The following KIRREL3 variants were observed in gnomAD, a reference collection of about 807,000 sequenced individuals.
KIRREL3 encodes the protein kirre like nephrin family adhesion molecule 3, also known as kin of IRRE-like protein 3.
KIRREL3 carries 36 observed loss-of-function variants against 89.7 expected under a neutral mutation model. That is an observed-to-expected ratio of 0.40 (90% confidence interval 0.31 to 0.53). KIRREL3 has a LOEUF of 0.53. Ranked by LOEUF, KIRREL3 falls within the 20% of genes least tolerant of loss-of-function variation. The probability of loss-of-function intolerance (pLI) is 0.49; values close to 1 mark genes in which losing one functional copy is unlikely to be tolerated. For synonymous variants in KIRREL3, 445 were observed against 441.4 expected (o/e 1.01, Z -0.10); for missense variants, 864 against 1,056.6 (o/e 0.82, Z 2.53).
At chr11:126,972,205 G>GAGAGAGAGAGAGAGAGAGA (rs1949445226) in intron 1 of KIRREL3, among the ~76,000 whole-genome samples, 4 of 40,988 alleles carry the variant, frequency 9.8e-5, no homozygotes, top group South Asian at 9.0e-4. Context: ...AGAGAGAGAG[G>GAGAGAGAGAGAGAGAGAGA]ACTGTGCATA....
intron 4 of KIRREL3, among the ~76,000 whole-genome samples, chr11:126,488,920 G>A (rs1393679507): frequency 1.3e-5 from 2 of 152,206 alleles, no homozygotes; most frequent in South Asian, 2.1e-4. Context: ...GATCCTTGCC[G>A]CAGGCCACAG....
chr11:126,450,088 T>G (rs1464889075), intron 7 of KIRREL3, among the ~76,000 whole-genome samples: 2 of 152,090 alleles, frequency 1.3e-5, no homozygotes, highest in Non-Finnish European at 2.9e-5. Flanking sequence ...GTTGGACCAG[T>G]GACCCAGCAG....
chr11:126,742,371 T>A lies in KIRREL3; in HGVS notation c.56-179459A>T, dbSNP rs1036151440. On this transcript the variant is annotated intron_variant, in intron 1 of 16. Transcript: ENST00000525144. The surrounding 1 kb of genome is among the most constrained non-coding windows in gnomAD (Gnocchi z 5.3). ...CTTAGGATAGTGTATCCTAACCTGC[T>A]TGTGGTTCTAATTTATTTTCATGCC... is the stretch of plus-strand genomic sequence containing the variant. 6.6e-6 allele frequency among the ~76,000 whole-genome samples: 1 copy of A among 152,176 alleles called. No individual in the cohort carries two copies. The highest frequency in any genetic ancestry group is 1.9e-4 in the East Asian group (1 of 5,192).
chr11:126,923,336 C>A (rs1947543062), intron 1 of KIRREL3, among the ~76,000 whole-genome samples: 1 of 140,894 alleles, frequency 7.1e-6, no homozygotes, highest in Non-Finnish European at 1.5e-5. Context: ...CTTCTTCCTT[C>A]TCCTTCTCCT....
At chr11:126,937,407 A>G (rs575440236) in intron 1 of KIRREL3, among the ~76,000 whole-genome samples, 1 of 152,352 alleles carries the variant, frequency 6.6e-6, no homozygotes, top group African/African-American at 2.4e-5. Flanking sequence ...CTATTCCCAT[A>G]GCAGCTCTAT....
At chr11:126,444,470 C>A (rs1955710106) in intron 10 of KIRREL3, among the ~76,000 whole-genome samples, 1 of 152,198 alleles carries the variant, frequency 6.6e-6, no homozygotes, top group South Asian at 2.1e-4. Flanking sequence ...ACTAAAAATA[C>A]AAAAATTAGC....
At chr11:126,727,240 C>T (rs369902293) in intron 1 of KIRREL3, among the ~76,000 whole-genome samples, 25 of 152,324 alleles carry the variant, frequency 1.6e-4, no homozygotes, top group East Asian at 3.9e-4. Context: ...CCTTGGAGGC[C>T]GGCTGGCCAC....
intron 2 of KIRREL3, among the ~76,000 whole-genome samples, chr11:126,532,864 T>C (rs1224921019): frequency 6.6e-6 from 1 of 151,930 alleles, no homozygotes; most frequent in Non-Finnish European, 1.5e-5. Flanking sequence ...CCATTACTTA[T>C]AATTATTACT....
In KIRREL3 at chr11:126,876,538, CT is replaced by C. The variant is rs34978323; in HGVS notation, c.55+123916del. Among the ~76,000 whole-genome samples the C allele has an allele frequency of 0.74, 85,332 of 115,220 alleles. 30,642 individuals are homozygous for C. Among genetic ancestry groups the C allele is most frequent in the East Asian group, 0.95 (3,540 of 3,718 alleles). The allele number at this position is 115,220 out of a possible 152,430, so 75.6% of individuals were successfully genotyped here. A position where few individuals can be genotyped will look rare whatever the true frequency, so the allele number is the denominator to read the frequency against. Reference sequence around the variant, plus strand: ...CTTACAGTACATACTCATAAATATGCTTTTTTTTTTTTTTTTTGAGATGGAG... The same window carrying C: ...CTTACAGTACATACTCATAAATATGCTTTTTTTTTTTTTTTTGAGATGGAG... On this transcript the variant is annotated intron_variant, in intron 1 of 16. Coordinates refer to ENST00000525144, the MANE Select transcript of KIRREL3 (RefSeq NM_032531.4). This position sits in a 1 kb window ranked among gnomAD's most constrained non-coding sequence, Gnocchi z 4.1.
intron 1 of KIRREL3, among the ~76,000 whole-genome samples, chr11:126,968,253 T>C (rs1208534843): frequency 6.6e-6 from 1 of 152,088 alleles, no homozygotes; most frequent in Non-Finnish European, 1.5e-5. Flanking sequence ...GTATTCAAGT[T>C]CTCCAAATTA....
At chr11:126,767,988 A>G (rs985851917) in intron 1 of KIRREL3, among the ~76,000 whole-genome samples, 2 of 152,236 alleles carry the variant, frequency 1.3e-5, no homozygotes, top group African/African-American at 2.4e-5. Context: ...GTGAAGTCCA[A>G]ATAATCTTCA....
intron 2 of KIRREL3, among the ~76,000 whole-genome samples, chr11:126,529,991 C>A (rs912117294): frequency 8.6e-5 from 13 of 150,588 alleles, no homozygotes; most frequent in Middle Eastern, 3.4e-3. Context: ...ATCTGACAGA[C>A]CTTAGGGCCT....
At chr11:126,826,641 T>C (rs1202529938) in intron 1 of KIRREL3, among the ~76,000 whole-genome samples, 1 of 152,204 alleles carries the variant, frequency 6.6e-6, no homozygotes, top group Non-Finnish European at 1.5e-5. Flanking sequence ...TTGGAGGTGT[T>C]GGGAGGTATG....
At position 126,719,207 on chromosome 11, in the gene KIRREL3, G is replaced by A. The variant is rs1015864663; in HGVS notation, c.56-156295C>T. ...GGTTTTGTCTCAAATCTAAAAATAC[G>A]CCACTGAAACGGCTTCTTCCTAAAT... On this transcript the variant is annotated intron_variant, in intron 1 of 16. Transcript: ENST00000525144. The surrounding 1 kb of genome is among the most constrained non-coding windows in gnomAD (Gnocchi z 4.7). Among the ~76,000 whole-genome samples the A allele has an allele frequency of 6.6e-6, 1 of 152,018 alleles. No homozygotes were observed. The highest frequency in any genetic ancestry group is 1.9e-4 in the East Asian group (1 of 5,172).
At chr11:126,534,430 G>T (rs1351363913) in intron 2 of KIRREL3, among the ~76,000 whole-genome samples, 1 of 152,296 alleles carries the variant, frequency 6.6e-6, no homozygotes, top group Non-Finnish European at 1.5e-5. Flanking sequence ...TCCCACATTC[G>T]CTTGGTTAGG....
intron 1 of KIRREL3, among the ~76,000 whole-genome samples, chr11:126,765,396 A>G (rs561346028): frequency 8.5e-5 from 13 of 152,276 alleles, no homozygotes; most frequent in Admixed American, 7.8e-4. Context: ...AGAAATCTAA[A>G]ACGAAACCAG....
intron 1 of KIRREL3, among the ~76,000 whole-genome samples, chr11:126,732,174 C>A (rs1431202826): frequency 6.6e-6 from 1 of 152,066 alleles, no homozygotes; most frequent in Non-Finnish European, 1.5e-5. Flanking sequence ...GCAATCTGAG[C>A]CAGAGATTTA....
At chr11:126,923,582 T>C (rs927785895) in intron 1 of KIRREL3, among the ~76,000 whole-genome samples, 3 of 151,786 alleles carry the variant, frequency 2.0e-5, no homozygotes, top group Admixed American at 1.3e-4. Flanking sequence ...CAGCTGGGAT[T>C]ACAGGCACCT....
intron 1 of KIRREL3, among the ~76,000 whole-genome samples, chr11:126,661,127 A>T (rs1275681463): frequency 1.3e-5 from 2 of 152,258 alleles, no homozygotes; most frequent in Non-Finnish European, 2.9e-5. Context: ...AATAGAAAGC[A>T]CAATGTTGTA....
Sources: gnomAD v4.1 joint callset for allele counts (sites outside exome capture counted in the v4.1 genomes callset) on GRCh38, gnomAD v4.1.1 for gene constraint, Gnocchi (gnomAD v3.1) non-coding constraint, MANE v1.5 for transcripts, NCBI Gene and HGNC (gene_info 2026-07-23, HGNC 2026-07-21) for gene names.